The following EPSTI1 variants were observed in gnomAD, a reference collection of about 807,000 sequenced individuals.
EPSTI1 encodes the protein epithelial-stromal interaction protein 1.
A neutral mutation model predicts 49.9 loss-of-function variants in EPSTI1; 66 were observed. That is an observed-to-expected ratio of 1.32 (90% CI 1.08 to 1.62). The LOEUF is 1.62. Among genes scored for constraint, EPSTI1 ranks in the 40% most tolerant of loss-of-function variants. The pLI is 0.00. For missense variants in EPSTI1, 394 were observed against 365.5 expected (o/e 1.08, Z -0.64); for synonymous variants, 137 against 130.7 (o/e 1.05, Z -0.33).
intron 5 of EPSTI1, among the ~76,000 whole-genome samples, chr13:42,959,949 G>A (rs970661839): frequency 6.6e-6 from 1 of 152,112 alleles, no homozygotes; most frequent in African/African-American, 2.4e-5. Flanking sequence ...AAACAATATA[G>A]TATAACAACT....
At chr13:42,920,992 A>G (rs1357972580) in intron 7 of EPSTI1, among the ~76,000 whole-genome samples, 1 of 152,172 alleles carries the variant, frequency 6.6e-6, no homozygotes, top group African/African-American at 2.4e-5. Context: ...AAAATATAGA[A>G]AAAAGGTAGT....
intron 8 of EPSTI1, among the ~76,000 whole-genome samples, chr13:42,915,581 G>A (rs2037807818): frequency 6.6e-6 from 1 of 151,882 alleles, no homozygotes; most frequent in Admixed American, 6.6e-5. Context: ...CAACACGTCA[G>A]GCAAAAAAAG....
chr13:42,898,196 A>G (rs2037251463), intron 9 of EPSTI1, among the ~76,000 whole-genome samples: 1 of 152,244 alleles, frequency 6.6e-6, no homozygotes, highest in African/African-American at 2.4e-5. Flanking sequence ...GTTTTCTGCA[A>G]TGTGAACTTT....
intron 6 of EPSTI1, among the ~76,000 whole-genome samples, chr13:42,930,005 G>C (rs1190597818): frequency 1.3e-5 from 2 of 152,206 alleles, no homozygotes; most frequent in Non-Finnish European, 2.9e-5. Context: ...CTCTAATTGA[G>C]CATGTCTGGA....
chr13:42,928,231 T>G (rs1245708287), intron 6 of EPSTI1, among the ~76,000 whole-genome samples: 1 of 152,234 alleles, frequency 6.6e-6, no homozygotes, highest in Non-Finnish European at 1.5e-5. Context: ...AAGTCCCATG[T>G]TACGACACTA....
chr13:42,901,838 C>G (rs2037362823), intron 8 of EPSTI1, among the ~76,000 whole-genome samples: 2 of 151,962 alleles, frequency 1.3e-5, no homozygotes. Context: ...CATATGTATA[C>G]ATGTGCCATG....
intron 6 of EPSTI1, among the ~76,000 whole-genome samples, chr13:42,946,562 T>C (rs1459170124): frequency 2.0e-5 from 3 of 152,190 alleles, no homozygotes; most frequent in Admixed American, 6.5e-5. Context: ...TCATATATGC[T>C]GATCCCAGAG....
At chr13:42,931,138 A>G (rs1401510953) in intron 6 of EPSTI1, among the ~76,000 whole-genome samples, 1 of 150,386 alleles carries the variant, frequency 6.6e-6, no homozygotes, top group Admixed American at 6.6e-5. Flanking sequence ...TGGTATCTTA[A>G]GTGAGCCTGC....
intron 8 of EPSTI1, among the ~76,000 whole-genome samples, chr13:42,904,328 G>A (rs1351589047): frequency 6.6e-6 from 1 of 152,140 alleles, no homozygotes; most frequent in Non-Finnish European, 1.5e-5. Context: ...TAAACTACAG[G>A]TTGCCTGTCA....
At chr13:42,923,910 A>C (rs1322634907) in intron 7 of EPSTI1, among the ~76,000 whole-genome samples, 1 of 152,236 alleles carries the variant, frequency 6.6e-6, no homozygotes, top group South Asian at 2.1e-4. Flanking sequence ...CTTTTCAGGA[A>C]AGTTACATTA....
chr13:42,920,244 T>C (rs999718856), intron 7 of EPSTI1, among the ~76,000 whole-genome samples: 10 of 152,282 alleles, frequency 6.6e-5, no homozygotes, highest in African/African-American at 2.4e-4. Flanking sequence ...AAGCATTAAG[T>C]TCTCCTTTCA....
In EPSTI1 at chr13:42,948,707, C is replaced by A. The variant is rs116400230; in HGVS notation, c.563+5241G>T. On this transcript the variant is annotated intron_variant, in intron 6 of 10. Coordinates refer to ENST00000313624, the MANE Select transcript of EPSTI1 (RefSeq NM_033255.5). ...GCCCAAGCTGGTCTTGAACTGCTGACCTCAGGTAATCCACCTACCTTGGCC... is the reference window on the plus strand; with the variant it reads ...GCCCAAGCTGGTCTTGAACTGCTGAACTCAGGTAATCCACCTACCTTGGCC... 9.0e-3 allele frequency among the ~76,000 whole-genome samples: 1,373 copies of A among 152,162 alleles called. 24 individuals are homozygous for A. Among genetic ancestry groups the A allele is most frequent in the African/African-American group, 0.031 (1,269 of 41,502 alleles).
intron 10 of EPSTI1, among the ~76,000 whole-genome samples, chr13:42,889,642 T>C (rs2036970908): frequency 1.3e-5 from 2 of 152,350 alleles, no homozygotes; most frequent in East Asian, 3.9e-4. Context: ...AATATATTGA[T>C]ATAATTTAAG....
chr13:42,890,529 A>C (rs1303318452), intron 10 of EPSTI1, among the ~76,000 whole-genome samples: 1 of 151,892 alleles, frequency 6.6e-6, no homozygotes, highest in African/African-American at 2.4e-5. Flanking sequence ...CGATCTCCTG[A>C]CCTCGTGATC....
chr13:42,923,190 T>A (rs1025343300), intron 7 of EPSTI1, among the ~76,000 whole-genome samples: 36 of 152,192 alleles, frequency 2.4e-4, no homozygotes, highest in African/African-American at 8.7e-4. Context: ...CTTGAAGATA[T>A]GGGGGACCAC....
At chr13:42,909,830 C>T (rs963590113) in intron 8 of EPSTI1, among the ~76,000 whole-genome samples, 1 of 152,032 alleles carries the variant, frequency 6.6e-6, no homozygotes, top group Non-Finnish European at 1.5e-5. Flanking sequence ...TATGTAATTA[C>T]AGTTAGATAT....
chr13:42,912,295 T>C, intron 8 of EPSTI1, among the ~76,000 whole-genome samples: 1 of 152,234 alleles, frequency 6.6e-6, no homozygotes, highest in East Asian at 1.9e-4. Context: ...GTTAGAAAAC[T>C]GCACTAAGAG....
intron 8 of EPSTI1, 89 bp from the exon 9 acceptor site, chr13:42,900,472 C>G: frequency 8.0e-7 from 1 of 1,245,074 alleles, no homozygotes; most frequent in Non-Finnish European, 1.2e-6. Flanking sequence ...TAAACCTCAA[C>G]TGGTACAATA....
In EPSTI1 at chr13:42,930,531, A is replaced by T. The variant is rs2038328601; in HGVS notation, c.564-4102T>A. ...CAAAACCCATTTAAGAAATCACAAG[A>T]ACAAGATTTACAAAACAAAACATGA... is the stretch of plus-strand genomic sequence containing the variant. On this transcript the variant is annotated intron_variant, in intron 6 of 10. Coordinates refer to ENST00000313624, the MANE Select transcript of EPSTI1 (RefSeq NM_033255.5). 2.0e-5 allele frequency among the ~76,000 whole-genome samples: 3 copies of T among 152,358 alleles called. No individual in the cohort carries two copies. The South Asian group carries it at 6.2e-4, about 32-fold the overall frequency.
Sources: gnomAD v4.1 joint callset for allele counts (sites outside exome capture counted in the v4.1 genomes callset) on GRCh38, gnomAD v4.1.1 for gene constraint, MANE v1.5 for transcripts, NCBI Gene and HGNC (gene_info 2026-07-23, HGNC 2026-07-21) for gene names.